The following AHCTF1 variants were observed in gnomAD, a reference collection of about 807,000 sequenced individuals.
The protein encoded by AHCTF1 is protein ELYS.
Under a neutral mutation model 248.4 loss-of-function variants are expected in AHCTF1, and 24 were observed. The observed-to-expected ratio is 0.10, with a 90% CI of 0.07 to 0.14. The LOEUF (loss-of-function observed/expected upper bound fraction) is 0.14, where lower values mean the gene tolerates loss of function less well. Ranked by LOEUF, AHCTF1 falls within the 10% of genes least tolerant of loss-of-function variation. The pLI is 1.00. For synonymous variants in AHCTF1, 786 were observed against 929.8 expected (o/e 0.85, Z 2.81); for missense variants, 2,206 against 2,636.2 (o/e 0.84, Z 3.57).
chr1:246,911,190 G>A (rs761815444), intron 4 of AHCTF1, among the ~76,000 whole-genome samples: 5 of 152,046 alleles, frequency 3.3e-5, no homozygotes, highest in Non-Finnish European at 7.3e-5. Flanking sequence ...ATGTTTTAAC[G>A]CCACCATATT....
chr1:246,915,462 AAATC>A (rs936594426), intron 3 of AHCTF1, among the ~76,000 whole-genome samples: 1 of 152,158 alleles, frequency 6.6e-6, no homozygotes, highest in Non-Finnish European at 1.5e-5. Flanking sequence ...CAGCCATTCT[AAATC>A]AAGTCTAGTT....
intron 4 of AHCTF1, among the ~76,000 whole-genome samples, chr1:246,910,129 C>T (rs1027152136): frequency 1.3e-5 from 2 of 152,214 alleles, no homozygotes; most frequent in Non-Finnish European, 2.9e-5. Flanking sequence ...TCATCTATAA[C>T]CAGAGCTAAT....
chr1:246,913,016 C>T (rs1665914317), intron 4 of AHCTF1, among the ~76,000 whole-genome samples: 1 of 152,054 alleles, frequency 6.6e-6, no homozygotes, highest in South Asian at 2.1e-4. Context: ...AACATATGAA[C>T]ACCTGATCAA....
At chr1:246,917,597 T>G (rs1461319368) in intron 2 of AHCTF1, among the ~76,000 whole-genome samples, 3 of 152,206 alleles carry the variant, frequency 2.0e-5, no homozygotes, top group African/African-American at 4.8e-5. Context: ...ATGCCTGGCA[T>G]ATAGAAAGTA....
chr1:246,869,069 C>A, intron 24 of AHCTF1, among the ~76,000 whole-genome samples: 1 of 151,658 alleles, frequency 6.6e-6, no homozygotes, highest in East Asian at 1.9e-4. Context: ...TGGTCTCGAT[C>A]TCCTGACCTC....
At chr1:246,865,014 A>G (rs988576800) in intron 26 of AHCTF1, among the ~76,000 whole-genome samples, 1 of 152,224 alleles carries the variant, frequency 6.6e-6, no homozygotes, top group African/African-American at 2.4e-5. Flanking sequence ...CCTAGTCCCA[A>G]TGATAAAACT....
chr1:246,847,290 A>C (rs1456749708), intron 33 of AHCTF1, among the ~76,000 whole-genome samples: 1 of 110,156 alleles, frequency 9.1e-6, no homozygotes, highest in Non-Finnish European at 1.7e-5. Flanking sequence ...ACTCCATCTC[A>C]AAAAAAAAAA....
At chr1:246,870,158 C>G (rs1244185645) in intron 24 of AHCTF1, among the ~76,000 whole-genome samples, 1 of 152,106 alleles carries the variant, frequency 6.6e-6, no homozygotes, top group African/African-American at 2.4e-5. Flanking sequence ...AGAAGCAGAG[C>G]CTAGGCCAGG....
chr1:246,875,870 G>C (rs919843386), intron 24 of AHCTF1, among the ~76,000 whole-genome samples, 167 bp downstream of exon 24: 1 of 152,182 alleles, frequency 6.6e-6, no homozygotes, highest in Non-Finnish European at 1.5e-5. Flanking sequence ...TAGCTTTCTC[G>C]TGATAGTCAC....
At chr1:246,897,367 T>G (rs1295371879) in intron 12 of AHCTF1, among the ~76,000 whole-genome samples, 1 of 152,198 alleles carries the variant, frequency 6.6e-6, no homozygotes, top group Non-Finnish European at 1.5e-5. Flanking sequence ...TATTATTTGC[T>G]GATGGTTGCA....
rs535900280 is a variant in AHCTF1, at chr1:246,851,073, C to G, written c.4933G>C (p.Val1645Leu). ...TTTTGGGACTTTTGGTCACTAGTTA[C>G]GGCAGATGGCAAATTTGCAATTTGT... ...HGQIANLPSA[V>L]TSDQKSQKVD... Residue 1645 changes from valine (V) to leucine (L), a missense_variant, in exon 33 of 36, where the codon GTA (valine) becomes CTA (leucine). By Grantham distance (32) the Val-to-Leu change is conservative (BLOSUM62 1). Transcript: ENST00000648844. 6.2e-7 allele frequency: 1 copy of G among 1,613,858 alleles called. No homozygotes were observed. The highest frequency in any genetic ancestry group is 2.2e-5 in the East Asian group (1 of 44,880).
At chr1:246,870,163 G>C (rs541902567) in intron 24 of AHCTF1, among the ~76,000 whole-genome samples, 1 of 152,332 alleles carries the variant, frequency 6.6e-6, no homozygotes, top group East Asian at 1.9e-4. Context: ...CAGAGCCTAG[G>C]CCAGGCATGA....
rs1371660443 is a variant in AHCTF1 at position 246,857,730 on chromosome 1, C to G, written c.4217G>C (p.Gly1406Ala). The G allele has an allele frequency of 6.2e-7, 1 of 1,613,820 alleles. No individual in the cohort carries two copies. The highest frequency in any genetic ancestry group is 8.5e-7 in the Non-Finnish European group (1 of 1,179,994). Residue 1406 changes from glycine (G) to alanine (A), a missense_variant, in exon 30 of 36, where the codon GGA becomes GCA. This residue lies in a region of AHCTF1 where 955 missense variants were observed against 1,055.6 expected (regional missense o/e 0.90). Coordinates refer to ENST00000648844, the MANE Select transcript of AHCTF1 (RefSeq NM_001323342.2). ...SELNHLSPVQ[G>A]TEASLCAPSV... ...TGGTGCACAAAGAGAAGCTTCAGTT[C>G]CTTGAACCGGGCTTAAGTGATTCAA...
intron 1 of AHCTF1, among the ~76,000 whole-genome samples, chr1:246,926,822 C>T (rs1393354920): frequency 6.6e-6 from 1 of 152,030 alleles, no homozygotes; most frequent in Non-Finnish European, 1.5e-5. Flanking sequence ...CACCATTGCA[C>T]TCCAGCCTGG....
chr1:246,902,409 C>T (rs756205801), intron 8 of AHCTF1, 116 bp downstream of exon 8: 54 of 1,270,376 alleles, frequency 4.3e-5, no homozygotes, highest in East Asian at 1.2e-4. Context: ...GAATAAATTC[C>T]GTTAATTACT....
chr1:246,871,748 G>A (rs1487202691), intron 24 of AHCTF1, among the ~76,000 whole-genome samples: 1 of 151,900 alleles, frequency 6.6e-6, no homozygotes, highest in African/African-American at 2.4e-5. Flanking sequence ...CTATAAGGAG[G>A]TTAATAATAT....
chr1:246,913,818 A>C (rs909775659), intron 3 of AHCTF1, among the ~76,000 whole-genome samples: 11 of 152,338 alleles, frequency 7.2e-5, no homozygotes, highest in African/African-American at 2.6e-4. Context: ...ACGCAAACCT[A>C]AATTGTTCTC....
intron 27 of AHCTF1, 54 bp downstream of exon 27, chr1:246,863,870 G>T: frequency 6.4e-7 from 1 of 1,557,692 alleles, no homozygotes; most frequent in Non-Finnish European, 8.8e-7. Flanking sequence ...CTTGCTACTT[G>T]AAAAGTAAGA....
rs1436229805 is a variant in AHCTF1, at chr1:246,906,929, G to C, written c.764+622C>G. On this transcript the variant is annotated intron_variant, in intron 5 of 35. Coordinates refer to ENST00000648844, the MANE Select transcript of AHCTF1 (RefSeq NM_001323342.2). ...ACTTTACACAGATGATGATTAGGAA[G>C]GTACTTCTGAAAGAACTCATATTAT... Among the ~76,000 whole-genome samples the C allele has an allele frequency of 5.3e-5, 8 of 152,172 alleles. No individual in the cohort carries two copies. In the East Asian group the frequency reaches 1.5e-3, roughly 29 times the overall value.
Sources: gnomAD v4.1 joint callset for allele counts (sites outside exome capture counted in the v4.1 genomes callset) on GRCh38, gnomAD v4.1.1 for gene constraint, gnomAD v4.1.1 regional missense constraint, MANE v1.5 for transcripts, NCBI Gene and HGNC (gene_info 2026-07-23, HGNC 2026-07-21) for gene names.